Variants in ZNF782 observed in about 807,000 individuals in gnomAD.
The protein encoded by ZNF782 is zinc finger protein 782.
In ZNF782, 12 loss-of-function variants were observed where a neutral mutation model predicts 13.0. That is an observed-to-expected ratio of 0.92 (90% CI 0.59 to 1.50). The LOEUF is 1.50. Among genes scored for constraint, ZNF782 ranks in the 40% most tolerant of loss-of-function variants. The pLI is 0.00. For missense variants in ZNF782, 770 were observed against 822.9 expected (o/e 0.94, Z 0.79); for synonymous variants, 284 against 283.0 (o/e 1.00, Z -0.04).
chr9:96,829,575 A>C (rs1850732433), intron 4 of ZNF782, among the ~76,000 whole-genome samples: 1 of 152,050 alleles, frequency 6.6e-6, no homozygotes, highest in Non-Finnish European at 1.5e-5. Context: ...CAAGTAAATA[A>C]GAAGAAGTAC....
chr9:96,885,041 T>C, the ZNF782 span, among the ~76,000 whole-genome samples: 1 of 151,394 alleles, frequency 6.6e-6, no homozygotes. Context: ...AAAGATTAAA[T>C]GGATTAAATT....
At chr9:96,834,894 G>A (rs1451859085) in intron 4 of ZNF782, among the ~76,000 whole-genome samples, 1 of 152,184 alleles carries the variant, frequency 6.6e-6, no homozygotes, top group Non-Finnish European at 1.5e-5. Context: ...GGAGCGTTAA[G>A]GGTGATTCTA....
chr9:96,866,236 A>G, intron 1 of ZNF782, among the ~76,000 whole-genome samples: 1 of 151,984 alleles, frequency 6.6e-6, no homozygotes, highest in East Asian at 1.9e-4. Flanking sequence ...AAGAGGAAAA[A>G]TTGTTTTGTG....
chr9:96,921,269 G>A, the ZNF782 span, among the ~76,000 whole-genome samples: 5 of 147,868 alleles, frequency 3.4e-5, no homozygotes, highest in Non-Finnish European at 7.4e-5. Context: ...GGTGGCTCAC[G>A]CCTGTATGTA....
intron 1 of ZNF782, among the ~76,000 whole-genome samples, chr9:96,869,673 C>A (rs1178713837): frequency 6.6e-6 from 1 of 152,166 alleles, no homozygotes; most frequent in Admixed American, 6.5e-5. Context: ...TTACTCACAA[C>A]TGACATGGAT....
At chr9:96,931,918 C>T in the ZNF782 span, 52 of 1,612,138 alleles carry the variant, frequency 3.2e-5, no homozygotes, top group Middle Eastern at 2.1e-4. Flanking sequence ...AGGATGGCCG[C>T]GGCCCAAGTG....
chr9:96,890,393 T>C, the ZNF782 span: 1 of 152,346 alleles, frequency 6.6e-6, no homozygotes, highest in African/African-American at 2.4e-5. Flanking sequence ...TCTTACAGGA[T>C]GGGCTGGTGG....
intron 2 of ZNF782, 138 bp from the exon 3 acceptor site, chr9:96,852,143 A>G: frequency 1.6e-6 from 1 of 608,906 alleles, no homozygotes; most frequent in African/African-American, 1.9e-5. Context: ...AAAAGGCATG[A>G]GAAGCACCAC....
chr9:96,851,900 C>G, intron 3 of ZNF782, 47 bp downstream of exon 3: 1 of 1,586,702 alleles, frequency 6.3e-7, no homozygotes, highest in Non-Finnish European at 8.7e-7. Context: ...ATCTAAACCT[C>G]ATAAAATCCA....
chr9:96,921,305 C>T, the ZNF782 span, among the ~76,000 whole-genome samples: 7 of 147,314 alleles, frequency 4.8e-5, no homozygotes, highest in Admixed American at 1.4e-4. Flanking sequence ...GAGGCTGAGG[C>T]GGGCAGATCA....
At chr9:96,930,898 T>TTG in the ZNF782 span, among the ~76,000 whole-genome samples, 1 of 96,890 alleles carries the variant, frequency 1.0e-5, no homozygotes, top group Non-Finnish European at 1.9e-5. Context: ...TTTTTTTTTT[T>TTG]TTTTTTTTTT....
chr9:96,822,991 G>T (rs914092549), intron 5 of ZNF782, among the ~76,000 whole-genome samples: 1 of 152,082 alleles, frequency 6.6e-6, no homozygotes, highest in East Asian at 1.9e-4. Flanking sequence ...GGGTCCCATG[G>T]TCATTTTAAA....
chr9:96,885,038 A>T, the ZNF782 span, among the ~76,000 whole-genome samples: 2 of 152,186 alleles, frequency 1.3e-5, no homozygotes, highest in Non-Finnish European at 2.9e-5. Context: ...AAAAAAGATT[A>T]AATGGATTAA....
the ZNF782 span, among the ~76,000 whole-genome samples, chr9:96,911,062 C>T: frequency 6.8e-6 from 1 of 148,046 alleles, no homozygotes; most frequent in Admixed American, 6.9e-5. Context: ...AACCAGCCTT[C>T]GGACCGTTCT....
intron 3 of ZNF782, among the ~76,000 whole-genome samples, chr9:96,851,279 G>A (rs1449222760): frequency 6.6e-6 from 1 of 152,024 alleles, no homozygotes; most frequent in East Asian, 1.9e-4. Context: ...TCCAGTATAA[G>A]CTTATAAGAA....
chr9:96,827,496 AT>A (rs1413297501), intron 4 of ZNF782, among the ~76,000 whole-genome samples: 1 of 152,028 alleles, frequency 6.6e-6, no homozygotes, highest in East Asian at 1.9e-4. Context: ...TACCCGGCTA[AT>A]TTTTTAAAGT....
upstream of ZNF782, among the ~76,000 whole-genome samples, chr9:96,855,920 T>A (rs1851636027): frequency 6.6e-6 from 1 of 152,236 alleles, no homozygotes. Context: ...CAGCATCAAC[T>A]ATTTTTTGAT....
chr9:96,830,069 G>T (rs1418020406), intron 4 of ZNF782, among the ~76,000 whole-genome samples: 1 of 152,178 alleles, frequency 6.6e-6, no homozygotes, highest in Non-Finnish European at 1.5e-5. Context: ...CAACATGAAT[G>T]TGGAGATGGA....
intron 5 of ZNF782, among the ~76,000 whole-genome samples, chr9:96,824,149 T>C (rs1281890312): frequency 2.0e-5 from 3 of 149,734 alleles, no homozygotes; most frequent in Non-Finnish European, 3.0e-5. Flanking sequence ...GATGCAAAAA[T>C]CCTCAATAAA....
Sources: allele counts gnomAD v4.1 joint callset (sites outside exome capture counted in the v4.1 genomes callset), GRCh38; gene constraint gnomAD v4.1.1; transcripts MANE v1.5; gene names NCBI Gene and HGNC (gene_info 2026-07-23, HGNC 2026-07-21).